The following RUNX1T1 variants were observed in gnomAD, a reference collection of about 807,000 sequenced individuals.
RUNX1T1 encodes the protein protein CBFA2T1.
A neutral mutation model predicts 62.8 loss-of-function variants in RUNX1T1; 4 were observed. That is an observed-to-expected ratio of 0.06 (90% CI 0.03 to 0.15). The LOEUF is 0.15. Ranked by LOEUF, RUNX1T1 falls within the 10% of genes least tolerant of loss-of-function variation. The probability of loss-of-function intolerance (pLI) is 1.00; values close to 1 mark genes in which losing one functional copy is unlikely to be tolerated. For synonymous variants in RUNX1T1, 291 were observed against 286.0 expected (o/e 1.02, Z -0.18); for missense variants, 508 against 754.3 (o/e 0.67, Z 3.82).
intron 10 of RUNX1T1, among the ~76,000 whole-genome samples, chr8:91,965,350 C>T (rs1328613477): frequency 6.6e-6 from 1 of 152,146 alleles, no homozygotes; most frequent in African/African-American, 2.4e-5. Flanking sequence ...GTTGAAATTT[C>T]CCCTACTAAA....
intron 7 of RUNX1T1, among the ~76,000 whole-genome samples, 195 bp from the exon 9 acceptor site, chr8:91,986,520 A>G (rs563392338): frequency 3.6e-4 from 55 of 152,346 alleles, no homozygotes; most frequent in Non-Finnish European, 7.1e-4. Context: ...ATGAGAAGAT[A>G]AGTGTTATGA....
At chr8:92,056,950 T>C (rs1007721241) in intron 1 of RUNX1T1, among the ~76,000 whole-genome samples, 6 of 152,208 alleles carry the variant, frequency 3.9e-5, no homozygotes, top group African/African-American at 1.4e-4. Flanking sequence ...TTAACCTGTA[T>C]AGCTCTGTCA....
intron 1 of RUNX1T1, among the ~76,000 whole-genome samples, chr8:92,029,181 G>A (rs1184013218): frequency 1.3e-5 from 2 of 152,136 alleles, no homozygotes; most frequent in African/African-American, 4.8e-5. Context: ...TTAATTGAAT[G>A]TACTCTAGGG....
At chr8:92,095,064 A>T (rs1448217668) in intron 1 of RUNX1T1, 1 of 1,535,604 alleles carries the variant, frequency 6.5e-7, no homozygotes, top group Non-Finnish European at 8.7e-7. Context: ...AGGTGATGGG[A>T]GATAGCGTCA....
At chr8:92,035,250 G>A (rs1364681469) in intron 1 of RUNX1T1, among the ~76,000 whole-genome samples, 7 of 150,102 alleles carry the variant, frequency 4.7e-5, no homozygotes, top group African/African-American at 7.4e-5. Flanking sequence ...AGCCAATATC[G>A]CGCCATTGCC....
At chr8:91,968,032 A>G (rs1458871199) in intron 10 of RUNX1T1, among the ~76,000 whole-genome samples, 1 of 152,196 alleles carries the variant, frequency 6.6e-6, no homozygotes, top group African/African-American at 2.4e-5. Context: ...AGGTAAATGA[A>G]TATCGTCCCA....
intron 1 of RUNX1T1, among the ~76,000 whole-genome samples, chr8:92,090,691 A>G (rs754888016): frequency 3.3e-5 from 5 of 152,228 alleles, no homozygotes; most frequent in Admixed American, 1.3e-4. Flanking sequence ...TGAAGAGAAT[A>G]TGCAGCCAAT....
chr8:92,085,602 A>G (rs985450745), intron 1 of RUNX1T1, among the ~76,000 whole-genome samples: 3 of 152,242 alleles, frequency 2.0e-5, no homozygotes, highest in Non-Finnish European at 4.4e-5. Flanking sequence ...AAAAAATCCA[A>G]TTCTGACAGA....
At chr8:92,073,507 T>C (rs1361912716) in intron 2 of RUNX1T1, among the ~76,000 whole-genome samples, 1 of 152,158 alleles carries the variant, frequency 6.6e-6, no homozygotes. Context: ...CAGCCATGGA[T>C]AGTCCTTTGC....
intron 1 of RUNX1T1, among the ~76,000 whole-genome samples, chr8:92,046,357 T>C (rs762177668): frequency 3.3e-5 from 5 of 152,072 alleles, no homozygotes; most frequent in Non-Finnish European, 7.4e-5. Context: ...ACATGATTAA[T>C]ACAAAGATTA....
chr8:92,017,877 C>G (rs988878432), intron 1 of RUNX1T1, among the ~76,000 whole-genome samples: 1 of 152,138 alleles, frequency 6.6e-6, no homozygotes, highest in Non-Finnish European at 1.5e-5. Flanking sequence ...TTATCGTCTT[C>G]CAGGCATATT....
chr8:91,967,138 A>G (rs1811800331), intron 10 of RUNX1T1, among the ~76,000 whole-genome samples: 1 of 152,194 alleles, frequency 6.6e-6, no homozygotes. Context: ...TGAGAAGTAA[A>G]CGAGCTAAAG....
At chr8:92,054,125 G>GAAA (rs201817398) in intron 1 of RUNX1T1, among the ~76,000 whole-genome samples, 1 of 126,244 alleles carries the variant, frequency 7.9e-6, no homozygotes, top group Non-Finnish European at 1.7e-5. Flanking sequence ...TTAGTACCTG[G>GAAA]AAAAAAAAAA....
At chr8:92,017,514 T>C in intron 1 of RUNX1T1, 151 bp from the exon 3 acceptor site, 1 of 1,525,902 alleles carries the variant, frequency 6.6e-7, no homozygotes, top group Non-Finnish European at 8.8e-7. Context: ...TAAATCAGGA[T>C]TTTATCATCC....
At chr8:91,977,482 G>A (rs571444246) in intron 8 of RUNX1T1, 17 of 192,044 alleles carry the variant, frequency 8.9e-5, no homozygotes, top group Admixed American at 1.8e-4. Context: ...CAACCTAAAA[G>A]GAAATGTGAT....
At chr8:92,083,528 G>A (rs1835612999) in intron 1 of RUNX1T1, among the ~76,000 whole-genome samples, 2 of 152,146 alleles carry the variant, frequency 1.3e-5, no homozygotes, top group Non-Finnish European at 2.9e-5. Context: ...TTAAAGAAAT[G>A]CAAATCAAAA....
At chr8:92,084,040 GT>G (rs1835699069) in intron 1 of RUNX1T1, among the ~76,000 whole-genome samples, 2 of 152,200 alleles carry the variant, frequency 1.3e-5, no homozygotes, top group African/African-American at 4.8e-5. Context: ...ATAAGTGGGA[GT>G]TGAACAATGA....
At chr8:92,071,676 T>C (rs1833694748) in intron 2 of RUNX1T1, among the ~76,000 whole-genome samples, 1 of 152,082 alleles carries the variant, frequency 6.6e-6, no homozygotes, top group Non-Finnish European at 1.5e-5. Context: ...GGGCTGGCCT[T>C]GCAGGATGTC....
chr8:92,052,604 T>C (rs1389715058), intron 1 of RUNX1T1, among the ~76,000 whole-genome samples: 1 of 152,168 alleles, frequency 6.6e-6, no homozygotes, highest in Non-Finnish European at 1.5e-5. Context: ...ATCTATAGAA[T>C]ATAAAAGGAC....
Sources: gnomAD v4.1 joint callset for allele counts (sites outside exome capture counted in the v4.1 genomes callset) on GRCh38, gnomAD v4.1.1 for gene constraint, MANE v1.5 for transcripts, NCBI Gene and HGNC (gene_info 2026-07-23, HGNC 2026-07-21) for gene names.